KIAA0232: variants seen among roughly 807,000 people sequenced by gnomAD.
The protein encoded by KIAA0232 is uncharacterized protein KIAA0232.
KIAA0232 carries 27 observed loss-of-function variants against 122.0 expected under a neutral mutation model. The ratio of observed to expected loss-of-function variants is 0.22; its 90% CI spans 0.16 to 0.31. The LOEUF (loss-of-function observed/expected upper bound fraction) is 0.31. KIAA0232 is among the 10% of genes least tolerant of loss of function. KIAA0232 has a pLI of 1.00. For synonymous variants in KIAA0232, 613 were observed against 587.6 expected (o/e 1.04, Z -0.63); for missense variants, 1,551 against 1,634.2 (o/e 0.95, Z 0.88).
intron 1 of KIAA0232, among the ~76,000 whole-genome samples, chr4:6,791,414 C>T (rs1193930859): frequency 6.8e-6 from 1 of 147,678 alleles, no homozygotes; most frequent in Non-Finnish European, 1.5e-5. Context: ...TAGCCTTGGC[C>T]ACCTCCCAGG....
intron 4 of KIAA0232, among the ~76,000 whole-genome samples, chr4:6,856,642 T>C (rs1560196239): frequency 6.6e-6 from 1 of 151,744 alleles, no homozygotes; most frequent in East Asian, 1.9e-4. Flanking sequence ...TTTTCTGGAC[T>C]TCTGTTGTTT....
At chr4:6,789,216 C>T (rs1317237963) in intron 1 of KIAA0232, among the ~76,000 whole-genome samples, 1 of 151,700 alleles carries the variant, frequency 6.6e-6, no homozygotes, top group African/African-American at 2.4e-5. Context: ...CGTGGTCTGC[C>T]CGCTTTGGCC....
At chr4:6,793,310 T>A (rs1716989094) in intron 1 of KIAA0232, among the ~76,000 whole-genome samples, 1 of 152,230 alleles carries the variant, frequency 6.6e-6, no homozygotes, top group South Asian at 2.1e-4. Context: ...AGAGTCAGTA[T>A]GTATTTTCCT....
At chr4:6,844,176 G>A (rs1449416624) in intron 4 of KIAA0232, among the ~76,000 whole-genome samples, 4 of 151,652 alleles carry the variant, frequency 2.6e-5, no homozygotes, top group African/African-American at 4.8e-5. Flanking sequence ...TCCTGACCTC[G>A]TGATCCGTCT....
chr4:6,864,084 A>G lies in KIAA0232; in HGVS notation c.3702A>G (p.Ala1234=), dbSNP rs746614865. Residue 1234 remains alanine (A), a synonymous_variant, in exon 7 of 10, where the codon GCA becomes GCG. Transcript: ENST00000307659. ...CAGAAGCAAATTGTAAAATAATGGC[A>G]CAATGCGAGGAAGAAATTAATAATT... ...ESSEANCKIM[A]QCEEEINNFC... 9 of 1,614,216 alleles carry G rather than the reference A, an allele frequency of 5.6e-6. No individual in the cohort carries two copies. In the South Asian group the frequency reaches 9.9e-5, roughly 18 times the overall value.
At position 6,861,825 on chromosome 4, in the gene KIAA0232, T is replaced by G; in HGVS notation, c.1443T>G (p.Ile481Met). 6.2e-7 allele frequency: 1 copy of G among 1,614,090 alleles called. No individual in the cohort carries two copies. The highest frequency in any genetic ancestry group is 8.5e-7 in the Non-Finnish European group (1 of 1,179,950). The change falls in exon 7 of 10, where the codon ATT (isoleucine) becomes ATG (methionine). Residue 481 changes from isoleucine (I) to methionine (M), a missense_variant. Transcript: ENST00000307659. ...VEMPAVINEDIDLTGTSLCSL... is the reference protein window; with the variant it reads ...VEMPAVINEDMDLTGTSLCSL... ...TGCCTGCAGTTATAAATGAGGATATTGACCTCACTGGGACCTCATTATGTT... is the reference window on the plus strand; with the variant it reads ...TGCCTGCAGTTATAAATGAGGATATGGACCTCACTGGGACCTCATTATGTT...
intron 3 of KIAA0232, among the ~76,000 whole-genome samples, chr4:6,831,957 C>G (rs1719009668): frequency 1.3e-5 from 2 of 152,234 alleles, no homozygotes; most frequent in Admixed American, 6.5e-5. Context: ...GCCCTATGCC[C>G]ACACCTACCT....
chr4:6,789,645 A>G (rs1716800254), intron 1 of KIAA0232, among the ~76,000 whole-genome samples: 1 of 152,178 alleles, frequency 6.6e-6, no homozygotes, highest in Non-Finnish European at 1.5e-5. Flanking sequence ...GCTTTTGCAT[A>G]AACAGATTCA....
rs1722145661 is a variant in KIAA0232 at position 6,882,709 on chromosome 4, G to C, written c.*1743G>C. The C allele has an allele frequency of 1.3e-5, 2 of 152,644 alleles. No individual in the cohort carries two copies. Among genetic ancestry groups the C allele is most frequent in the Non-Finnish European group, 2.9e-5 (2 of 68,040 alleles). 9.5% of individuals were successfully genotyped at this position (152,644 alleles called of 1,614,324 possible). On this transcript the variant is annotated 3_prime_UTR_variant, in exon 10 of 10. Coordinates refer to ENST00000307659, the MANE Select transcript of KIAA0232 (RefSeq NM_014743.3). ...TGCTGTTATTTATTTACGAACTTCAGATACGTTTTTATGTATTTTTCATTC... is the reference window on the plus strand; with the variant it reads ...TGCTGTTATTTATTTACGAACTTCACATACGTTTTTATGTATTTTTCATTC...
intron 1 of KIAA0232, among the ~76,000 whole-genome samples, chr4:6,787,058 A>G (rs1422227487): frequency 4.0e-5 from 6 of 151,568 alleles, no homozygotes; most frequent in African/African-American, 9.7e-5. Context: ...GAGCACGCCT[A>G]TAGTCCCAGC....
At chr4:6,838,589 A>G (rs1719474910) in intron 3 of KIAA0232, among the ~76,000 whole-genome samples, 1 of 152,094 alleles carries the variant, frequency 6.6e-6, no homozygotes, top group Non-Finnish European at 1.5e-5. Context: ...AAAACTGTAC[A>G]TTTACATTGT....
intron 4 of KIAA0232, among the ~76,000 whole-genome samples, chr4:6,853,386 T>C (rs937006286): frequency 6.6e-6 from 1 of 152,156 alleles, no homozygotes; most frequent in African/African-American, 2.4e-5. Flanking sequence ...TACAGGAAAT[T>C]CAGTAACCAG....
At chr4:6,872,630 A>G (rs1319492149) in intron 8 of KIAA0232, among the ~76,000 whole-genome samples, 3 of 152,212 alleles carry the variant, frequency 2.0e-5, no homozygotes, top group South Asian at 4.1e-4. Context: ...CTGGGCTTCT[A>G]TTGGCTACCA....
chr4:6,825,741 C>A (rs1382475251), intron 3 of KIAA0232, among the ~76,000 whole-genome samples: 2 of 152,112 alleles, frequency 1.3e-5, no homozygotes, highest in Non-Finnish European at 2.9e-5. Context: ...TGACTTCTAT[C>A]TACAAATTTC....
chr4:6,877,321 C>G (rs1206654401), intron 9 of KIAA0232, among the ~76,000 whole-genome samples: 2 of 152,210 alleles, frequency 1.3e-5, no homozygotes, highest in Non-Finnish European at 2.9e-5. Context: ...GTGGGCACCA[C>G]GAAGGCGGGA....
intron 9 of KIAA0232, among the ~76,000 whole-genome samples, chr4:6,876,986 C>T (rs1481381831): frequency 6.6e-6 from 1 of 152,076 alleles, no homozygotes; most frequent in Non-Finnish European, 1.5e-5. Flanking sequence ...TGAAGAATCC[C>T]CAGCTCTCTC....
chr4:6,806,022 G>A (rs1254585315), intron 2 of KIAA0232, among the ~76,000 whole-genome samples: 1 of 152,138 alleles, frequency 6.6e-6, no homozygotes, highest in Non-Finnish European at 1.5e-5. Context: ...AAGGAAGGAG[G>A]AGGATTTGCT....
At chr4:6,840,935 T>C (rs1215222330) in intron 3 of KIAA0232, among the ~76,000 whole-genome samples, 2 of 152,198 alleles carry the variant, frequency 1.3e-5, no homozygotes, top group Non-Finnish European at 2.9e-5. Flanking sequence ...AATTCAATGC[T>C]GTTAAATTTT....
chr4:6,809,998 T>C (rs1717804235), intron 2 of KIAA0232, among the ~76,000 whole-genome samples: 1 of 152,170 alleles, frequency 6.6e-6, no homozygotes, highest in African/African-American at 2.4e-5. Flanking sequence ...AAAGTGACCG[T>C]ACTATCCAAA....
Sources: allele counts gnomAD v4.1 joint callset (sites outside exome capture counted in the v4.1 genomes callset), GRCh38; gene constraint gnomAD v4.1.1; transcripts MANE v1.5; gene names NCBI Gene and HGNC (gene_info 2026-07-23, HGNC 2026-07-21).